Variants in RYR1 observed in about 807,000 individuals in gnomAD.
The protein encoded by RYR1 is ryanodine receptor 1, also known as central core disease of muscle.
Under a neutral mutation model 583.5 loss-of-function variants are expected in RYR1, and 342 were observed. That is an observed-to-expected ratio of 0.59 (90% CI 0.54 to 0.64). The LOEUF is 0.64. Among genes scored for constraint, RYR1 ranks in the 30% least tolerant of loss-of-function variants. The pLI is 0.00. For missense variants in RYR1, 6,032 were observed against 6,917.2 expected (o/e 0.87, Z 4.54); for synonymous variants, 2,791 against 2,822.5 (o/e 0.99, Z 0.35).
chr19:38,463,512 C>T lies in RYR1; in HGVS notation c.2667C>T (p.Gly889=). 6.2e-7 allele frequency: 1 copy of T among 1,612,680 alleles called. No individual in the cohort carries two copies. Among genetic ancestry groups the T allele is most frequent in the Non-Finnish European group, 8.5e-7 (1 of 1,179,882 alleles). Residue 889 remains glycine (G), a synonymous_variant, in exon 21 of 106, where the codon GGC becomes GGT. Transcript: ENST00000359596. ...GGGCGCTAACCCGCATCGAGCAGGG[C>T]TGGACCTACGGCCCGGTGAGGGGCT... is the stretch of plus-strand genomic sequence containing the variant. ...ELWALTRIEQ[G]WTYGPVRDDN... is the part of the protein sequence containing the mutation.
intron 36 of RYR1, 53 bp downstream of exon 36, chr19:38,490,329 C>T (rs1465324025): frequency 1.3e-6 from 2 of 1,523,984 alleles, no homozygotes; most frequent in East Asian, 2.4e-5. Flanking sequence ...CCAACCTCAA[C>T]ATCTCCTGAC....
chr19:38,581,873 G>T (rs1349438896), intron 101 of RYR1, among the ~76,000 whole-genome samples: 1 of 152,094 alleles, frequency 6.6e-6, no homozygotes, highest in African/African-American at 2.4e-5. Flanking sequence ...CTCCCAAAGT[G>T]CTGGGATTAC....
chr19:38,565,427 G>A lies in RYR1; in HGVS notation c.13093G>A (p.Gly4365Ser), dbSNP rs1973362089. ...CCTGCTCTGGGGCTCGCTGTTCGGC[G>A]GCGGCCTGGTGGAGGGCGCCAAGAA... ...LGLLWGSLFG[G>S]GLVEGAKKVT... The change falls in exon 91 of 106, where the codon GGC (glycine) becomes AGC (serine). Residue 4365 changes from glycine (G) to serine (S), a missense_variant. This residue lies in a region of RYR1 where 753 missense variants were observed against 759.6 expected (regional missense o/e 0.99). Coordinates refer to ENST00000359596, the MANE Select transcript of RYR1 (RefSeq NM_000540.3). This position sits in a 1 kb window ranked among gnomAD's most constrained non-coding sequence, Gnocchi z 4.7. 7 of 1,488,908 alleles carry A rather than the reference G, an allele frequency of 4.7e-6. No individual in the cohort carries two copies. In the Admixed American group the frequency reaches 6.6e-5, roughly 14 times the overall value. The allele number at this position is 1,488,908 out of a possible 1,614,324, so 92.2% of individuals were successfully genotyped here.
chr19:38,474,324 G>C (rs948374454), intron 28 of RYR1, among the ~76,000 whole-genome samples: 1 of 151,204 alleles, frequency 6.6e-6, no homozygotes, highest in East Asian at 1.9e-4. Flanking sequence ...ATGCAATGGC[G>C]CAATCTCAGC....
At chr19:38,465,038 T>C (rs1207353429) in intron 23 of RYR1, among the ~76,000 whole-genome samples, 1 of 151,504 alleles carries the variant, frequency 6.6e-6, no homozygotes, top group Non-Finnish European at 1.5e-5. Flanking sequence ...TGGTAAGAGG[T>C]GAGAATCTGG....
At chr19:38,445,290 C>G (rs968971028) in intron 7 of RYR1, among the ~76,000 whole-genome samples, 22 of 151,178 alleles carry the variant, frequency 1.5e-4, no homozygotes, top group Non-Finnish European at 2.5e-4. Context: ...TGATCTCAGC[C>G]CCTCAAACCC....
Position 38,565,785 on chromosome 19 carries a change from CG to C in RYR1, c.13437+18del, listed in dbSNP as rs1424130502. On this transcript the variant is annotated intron_variant, in intron 91 of 105. Coordinates refer to ENST00000359596, the MANE Select transcript of RYR1 (RefSeq NM_000540.3). The surrounding 1 kb of genome is among the most constrained non-coding windows in gnomAD (Gnocchi z 4.7). ...AGGAAATTGGGGGTGAGAGAGCAGG[CG>C]GGGTTTTGGGGTTTTGGAAAGATGG... 56 of 1,374,886 alleles carry C rather than the reference CG, an allele frequency of 4.1e-5. No individual in the cohort carries two copies. The highest frequency in any genetic ancestry group is 5.0e-5 in the Non-Finnish European group (54 of 1,072,800). The allele number at this position is 1,374,886 out of a possible 1,614,324, so 85.2% of individuals were successfully genotyped here. A position where few individuals can be genotyped will look rare whatever the true frequency, so the allele number is the denominator to read the frequency against.
At position 38,566,832 on chromosome 19, in the gene RYR1, AG is replaced by A; in HGVS notation, c.13438-77del. 1.0e-5 allele frequency: 16 copies of A among 1,553,184 alleles called. 1 individual carries two copies. Among genetic ancestry groups the A allele is most frequent in the Non-Finnish European group, 1.4e-5 (16 of 1,147,800 alleles). On this transcript the variant is annotated intron_variant, in intron 91 of 105. Transcript: ENST00000359596. Reference sequence around the variant, plus strand: ...ATTACCCAGGGGAAATAAGAGAGAAAGGAGATGAGAGGAGCAGGCAGGCAGC... The same window carrying A: ...ATTACCCAGGGGAAATAAGAGAGAAAGAGATGAGAGGAGCAGGCAGGCAGC...
chr19:38,520,693 C>CAAAAAAA (rs71165555), intron 67 of RYR1, among the ~76,000 whole-genome samples: 12 of 46,886 alleles, frequency 2.6e-4, no homozygotes, highest in East Asian at 2.6e-3. Context: ...GGCTCCACCT[C>CAAAAAAA]AAAAAAAAAA....
chr19:38,445,099 A>G (rs2145343449), intron 7 of RYR1, among the ~76,000 whole-genome samples: 1 of 151,938 alleles, frequency 6.6e-6, no homozygotes, highest in South Asian at 2.1e-4. Flanking sequence ...TTTATTAAAA[A>G]TGCAAAATTA....
intron 95 of RYR1, 31 bp from the exon 96 acceptor site, chr19:38,573,146 C>T (rs199659950): frequency 3.7e-5 from 59 of 1,612,646 alleles, no homozygotes; most frequent in South Asian, 7.7e-5. Flanking sequence ...AGGTGCCTGA[C>T]GCCCACCTTT....
rs751448656 is a variant in RYR1, at chr19:38,500,668, C to G, written c.7386C>G (p.Pro2462=). ...GCGCCATCCTCCGCTCCCTTGTGCC[C>G]TTGGAGGACCTTGTGGGCATCATCA... ...RIRAILRSLV[P]LEDLVGIISL... Residue 2462 remains proline, a synonymous_variant, in exon 46 of 106, where the codon CCC becomes CCG. Transcript: ENST00000359596. The surrounding 1 kb of genome is among the most constrained non-coding windows in gnomAD (Gnocchi z 5.9). 1 of 1,614,106 alleles carries G rather than the reference C, an allele frequency of 6.2e-7. No homozygotes were observed. Among genetic ancestry groups the G allele is most frequent in the Non-Finnish European group, 8.5e-7 (1 of 1,180,020 alleles).
rs1967514048 is a variant in RYR1 at position 38,458,083 on chromosome 19, A to G, written c.1958A>G (p.Glu653Gly). ...CCCAACATCTTTGTGGGCCGAGCGG[A>G]AGGCACCACGCAGTACAGCAAATGG... ...IRPNIFVGRA[E>G]GTTQYSKWYF... Residue 653 changes from glutamate (E) to glycine (G), a missense_variant, in exon 18 of 106, where the codon GAA (glutamate) becomes GGA (glycine). Physicochemically the swap from Glu to Gly is moderately conservative, Grantham distance 98. Coordinates refer to ENST00000359596, the MANE Select transcript of RYR1 (RefSeq NM_000540.3). The G allele has an allele frequency of 6.2e-7, 1 of 1,613,654 alleles. No homozygotes were observed. Among genetic ancestry groups the G allele is most frequent in the Admixed American group, 1.7e-5 (1 of 59,980 alleles).
chr19:38,437,470 T>C (rs1972478075), intron 1 of RYR1, among the ~76,000 whole-genome samples: 1 of 152,118 alleles, frequency 6.6e-6, no homozygotes, highest in South Asian at 2.1e-4. Flanking sequence ...GCAAGTGATT[T>C]TTATTTTTCT....
Position 38,532,587 on chromosome 19 carries a change from C to T in RYR1, c.11193+46C>T, listed in dbSNP as rs775008899. ...TCTGGGGCAGATTTCCCTCTCCCCACCTGCAGTGCTTGTCCACAAAAAGGG... is the reference window on the plus strand; with the variant it reads ...TCTGGGGCAGATTTCCCTCTCCCCATCTGCAGTGCTTGTCCACAAAAAGGG... On this transcript the variant is annotated intron_variant, in intron 77 of 105. Coordinates refer to ENST00000359596, the MANE Select transcript of RYR1 (RefSeq NM_000540.3). 15 of 1,613,286 alleles carry T rather than the reference C, an allele frequency of 9.3e-6. No individual in the cohort carries two copies. In the South Asian group the frequency reaches 1.6e-4, roughly 18 times the overall value.
At chr19:38,546,231 C>T (rs558729715) in intron 87 of RYR1, among the ~76,000 whole-genome samples, 5 of 152,206 alleles carry the variant, frequency 3.3e-5, no homozygotes, top group South Asian at 4.1e-4. Context: ...CATCACCTAT[C>T]GAGCCCGTCC....
In RYR1 at chr19:38,466,285, C is replaced by T. The variant is rs144830213; in HGVS notation, c.3065C>T (p.Pro1022Leu). The stretch of plus-strand genomic sequence containing the variant: ...GCGCGCCGAAACCCTCGGCTGGTGC[C>T]CTACCGCCTGCTGGATGAAGCCACC... ...IPARRNPRLV[P>L]YRLLDEATKR... Residue 1022 changes from proline to leucine, a missense_variant, in exon 24 of 106, where the codon CCC becomes CTC. Physicochemically the swap from Pro to Leu is moderately conservative, Grantham distance 98. Transcript: ENST00000359596. 1.1e-5 allele frequency: 18 copies of T among 1,612,360 alleles called. No homozygotes were observed. The highest frequency in any genetic ancestry group is 1.4e-5 in the Non-Finnish European group (17 of 1,179,716).
Position 38,443,628 on chromosome 19 carries a change from G to C in RYR1, c.341G>C (p.Arg114Pro). 6.2e-7 allele frequency: 1 copy of C among 1,614,056 alleles called. No homozygotes were observed. Among genetic ancestry groups the C allele is most frequent in the Non-Finnish European group, 8.5e-7 (1 of 1,179,960 alleles). ...ATCCTGCTCCGGCATGCACACAGCCGCATGGTGAGTGCAACCTCGGTGGGC... is the reference window on the plus strand; with the variant it reads ...ATCCTGCTCCGGCATGCACACAGCCCCATGGTGAGTGCAACCTCGGTGGGC... ...HAILLRHAHS[R>P]MYLSCLTTSR... Residue 114 changes from arginine (R) to proline (P), a missense_variant, in exon 4 of 106, where the codon CGC (arginine) becomes CCC (proline). Arg to Pro is a moderately radical substitution (Grantham distance 103). Coordinates refer to ENST00000359596, the MANE Select transcript of RYR1 (RefSeq NM_000540.3).
intron 47 of RYR1, among the ~76,000 whole-genome samples, chr19:38,501,915 C>T (rs2145610269): frequency 6.6e-6 from 1 of 152,064 alleles, no homozygotes; most frequent in East Asian, 1.9e-4. Context: ...GAGGGACAGA[C>T]ATTGAGGCTG....
Sources: gnomAD v4.1 joint callset for allele counts (sites outside exome capture counted in the v4.1 genomes callset) on GRCh38, gnomAD v4.1.1 for gene constraint, gnomAD v4.1.1 regional missense constraint, Gnocchi (gnomAD v3.1) non-coding constraint, MANE v1.5 for transcripts, NCBI Gene and HGNC (gene_info 2026-07-23, HGNC 2026-07-21) for gene names.